VTI1A: variants seen among roughly 807,000 people sequenced by gnomAD.
VTI1A encodes the protein vesicle transport through interaction with t-SNAREs 1A.
VTI1A carries 22 observed loss-of-function variants against 34.9 expected under a neutral mutation model. The observed-to-expected ratio is 0.63, with a 90% CI of 0.45 to 0.90. The LOEUF (loss-of-function observed/expected upper bound fraction) is 0.90, where lower values mean the gene tolerates loss of function less well. VTI1A is among the 40% of genes least tolerant of loss of function. VTI1A has a pLI of 0.00. For synonymous variants in VTI1A, 87 were observed against 97.3 expected (o/e 0.89, Z 0.62); for missense variants, 268 against 275.6 (o/e 0.97, Z 0.20).
At chr10:112,544,766 G>A (rs1214301143) in intron 5 of VTI1A, among the ~76,000 whole-genome samples, 1 of 152,206 alleles carries the variant, frequency 6.6e-6, no homozygotes, top group Non-Finnish European at 1.5e-5. Flanking sequence ...TCTGAGAAGA[G>A]GGAAGAGCAA....
intron 5 of VTI1A, among the ~76,000 whole-genome samples, chr10:112,634,957 A>AT (rs921760033): frequency 6.6e-5 from 10 of 152,184 alleles, no homozygotes; most frequent in African/African-American, 2.4e-4. Context: ...AGTGGCCAAC[A>AT]TTTTTTCTGT....
chr10:112,830,849 A>ATATATATATATTTTTTTTTTTTT, the VTI1A span, among the ~76,000 whole-genome samples: 1 of 33,512 alleles, frequency 3.0e-5, no homozygotes, highest in East Asian at 1.5e-3. Flanking sequence ...ATATATATAT[A>ATATATATATATTTTTTTTTTTTT]TTTTTTTTTT....
At chr10:112,452,737 T>A (rs932375958) in intron 1 of VTI1A, among the ~76,000 whole-genome samples, 2 of 151,628 alleles carry the variant, frequency 1.3e-5, no homozygotes, top group South Asian at 4.2e-4. Context: ...CTTTTGTTTT[T>A]GTTTTTTTTT....
chr10:112,845,384 C>T, the VTI1A span, among the ~76,000 whole-genome samples: 1 of 152,182 alleles, frequency 6.6e-6, no homozygotes, highest in Admixed American at 6.5e-5. Context: ...CTGGAGAGGG[C>T]GGGGCTTGTG....
At chr10:112,509,499 T>G (rs1022273259) in intron 3 of VTI1A, among the ~76,000 whole-genome samples, 1 of 152,226 alleles carries the variant, frequency 6.6e-6, no homozygotes, top group Non-Finnish European at 1.5e-5. Context: ...TCTTCCAGTT[T>G]ACATATCAGG....
chr10:112,493,190 G>A (rs1294930695), intron 3 of VTI1A, among the ~76,000 whole-genome samples: 1 of 152,058 alleles, frequency 6.6e-6, no homozygotes, highest in Non-Finnish European at 1.5e-5. Context: ...TACCTCTTTT[G>A]TGAAATTTAT....
intron 7 of VTI1A, among the ~76,000 whole-genome samples, chr10:112,784,992 A>G (rs943767135): frequency 6.6e-6 from 1 of 152,214 alleles, no homozygotes; most frequent in African/African-American, 2.4e-5. Context: ...GTGTTTTCAC[A>G]TCATGGCAAA....
At chr10:112,717,862 T>C (rs1018383333) in intron 7 of VTI1A, among the ~76,000 whole-genome samples, 4 of 152,154 alleles carry the variant, frequency 2.6e-5, no homozygotes, top group African/African-American at 7.2e-5. Context: ...GCAACCAGTT[T>C]TGGAAAATAC....
At chr10:112,792,693 G>A (rs558956794) in intron 7 of VTI1A, among the ~76,000 whole-genome samples, 31 of 152,300 alleles carry the variant, frequency 2.0e-4, no homozygotes, top group East Asian at 3.9e-4. Context: ...TTGCCAGCCC[G>A]TATCAATGAA....
chr10:112,683,162 C>A (rs1220377913), intron 7 of VTI1A, among the ~76,000 whole-genome samples: 2 of 152,210 alleles, frequency 1.3e-5, no homozygotes, highest in African/African-American at 2.4e-5. Context: ...TGCAAAGAAT[C>A]TTTTTACCAA....
At chr10:112,583,328 T>C (rs1844023720) in intron 5 of VTI1A, among the ~76,000 whole-genome samples, 1 of 152,194 alleles carries the variant, frequency 6.6e-6, no homozygotes, top group African/African-American at 2.4e-5. Flanking sequence ...TAAGTTTGAT[T>C]TTAGAAAACC....
chr10:112,706,817 A>G (rs1285542707), intron 7 of VTI1A, among the ~76,000 whole-genome samples: 1 of 152,094 alleles, frequency 6.6e-6, no homozygotes, highest in Non-Finnish European at 1.5e-5. Flanking sequence ...CAACATCAAA[A>G]CACAGACCTG....
chr10:112,603,321 T>C lies in VTI1A; in HGVS notation c.428-64897T>C, dbSNP rs1199123995. 2.0e-5 allele frequency among the ~76,000 whole-genome samples: 3 copies of C among 152,228 alleles called. No individual in the cohort carries two copies. The East Asian group carries it at 5.8e-4, about 29-fold the overall frequency. ...TTCCCTTCAAGAAAGACTTGTCCCA[T>C]AGAAGTCTTTTGATCCTGAGGGTGT... is the stretch of plus-strand genomic sequence containing the variant. On this transcript the variant is annotated intron_variant, in intron 5 of 7. Transcript: ENST00000393077.
intron 7 of VTI1A, among the ~76,000 whole-genome samples, chr10:112,755,088 A>C (rs908746462): frequency 6.6e-6 from 1 of 151,948 alleles, no homozygotes; most frequent in African/African-American, 2.4e-5. Flanking sequence ...AACCCTGTCT[A>C]TACTAAAAGT....
intron 3 of VTI1A, among the ~76,000 whole-genome samples, chr10:112,504,978 G>T (rs1849377593): frequency 6.6e-6 from 1 of 151,784 alleles, no homozygotes; most frequent in Non-Finnish European, 1.5e-5. Flanking sequence ...GATTTCTTTT[G>T]TTAAGTTCTA....
At chr10:112,537,078 T>C (rs1008881075) in intron 4 of VTI1A, among the ~76,000 whole-genome samples, 5 of 151,856 alleles carry the variant, frequency 3.3e-5, no homozygotes, top group African/African-American at 9.7e-5. Flanking sequence ...TCAGATAATA[T>C]GTGTGGCACC....
rs187256649 is a variant in VTI1A, at chr10:112,657,048, G to A, written c.428-11170G>A. Among the ~76,000 whole-genome samples, 280 of 152,190 alleles carry A rather than the reference G, an allele frequency of 1.8e-3. 1 individual carries two copies. The highest frequency in any genetic ancestry group is 6.6e-3 in the African/African-American group (273 of 41,530). ...CCGCCCACCCTTCGCTTTCCGTCATGACTGAAAGCTCCCTGAGGCCTCCCT... is the reference window on the plus strand; with the variant it reads ...CCGCCCACCCTTCGCTTTCCGTCATAACTGAAAGCTCCCTGAGGCCTCCCT... On this transcript the variant is annotated intron_variant, in intron 5 of 7. Coordinates refer to ENST00000393077, the MANE Select transcript of VTI1A (RefSeq NM_145206.4).
chr10:112,685,392 C>G (rs1426683320), intron 7 of VTI1A, among the ~76,000 whole-genome samples: 1 of 152,128 alleles, frequency 6.6e-6, no homozygotes, highest in East Asian at 1.9e-4. Context: ...AGCATTGTTT[C>G]TAGTCTGTGC....
intron 5 of VTI1A, among the ~76,000 whole-genome samples, chr10:112,541,083 G>A (rs1172571320): frequency 2.0e-5 from 3 of 152,172 alleles, no homozygotes; most frequent in Non-Finnish European, 4.4e-5. Context: ...ATTTGGGGGT[G>A]TAAAGGAAAG....
Sources: allele counts gnomAD v4.1 joint callset (sites outside exome capture counted in the v4.1 genomes callset), GRCh38; gene constraint gnomAD v4.1.1; transcripts MANE v1.5; gene names NCBI Gene and HGNC (gene_info 2026-07-23, HGNC 2026-07-21).